TEX9: variants seen among roughly 807,000 people sequenced by gnomAD.
TEX9 encodes testis-expressed protein 9.
In TEX9, 74 loss-of-function variants were observed where a neutral mutation model predicts 59.6. That is an observed-to-expected ratio of 1.24 (90% confidence interval 1.03 to 1.51). The LOEUF is 1.51. Ranked by LOEUF, TEX9 falls within the 40% of genes most tolerant of loss-of-function variation. The probability of loss-of-function intolerance (pLI) is 0.00; values close to 1 mark genes in which losing one functional copy is unlikely to be tolerated. For missense variants in TEX9, 522 were observed against 447.8 expected (o/e 1.17, Z -1.49); for synonymous variants, 186 against 152.2 (o/e 1.22, Z -1.64).
intron 1 of TEX9, among the ~76,000 whole-genome samples, chr15:56,308,665 T>C (rs2045536860): frequency 6.6e-6 from 1 of 152,180 alleles, no homozygotes; most frequent in Non-Finnish European, 1.5e-5. Flanking sequence ...TGTTTTCTTC[T>C]AACAGTTTTA....
At chr15:56,424,175 A>G (rs2050132023) in intron 10 of TEX9, among the ~76,000 whole-genome samples, 1 of 152,084 alleles carries the variant, frequency 6.6e-6, no homozygotes, top group Non-Finnish European at 1.5e-5. Flanking sequence ...TTTGGTACAT[A>G]TATAATTGTA....
intron 1 of TEX9, among the ~76,000 whole-genome samples, chr15:56,277,231 G>C (rs2044692360): frequency 6.6e-6 from 1 of 152,094 alleles, no homozygotes; most frequent in Non-Finnish European, 1.5e-5. Flanking sequence ...TGGTATTTTA[G>C]TCATGAAGTC....
chr15:56,327,506 A>G (rs1037217391), intron 1 of TEX9, among the ~76,000 whole-genome samples: 2 of 152,208 alleles, frequency 1.3e-5, no homozygotes, highest in Non-Finnish European at 2.9e-5. Flanking sequence ...TGTAACAAGT[A>G]TCTACACACA....
chr15:56,424,124 A>C (rs1180231685), intron 10 of TEX9, among the ~76,000 whole-genome samples: 1 of 152,114 alleles, frequency 6.6e-6, no homozygotes, highest in Non-Finnish European at 1.5e-5. Context: ...CTTTTCTCCA[A>C]GTCTGTCAAT....
rs569138308 is a variant in TEX9 at position 56,282,150 on chromosome 15, G to T, written c.-107+37872G>T. 2.0e-5 allele frequency among the ~76,000 whole-genome samples: 3 copies of T among 152,154 alleles called. No homozygotes were observed. The East Asian group carries it at 5.8e-4, about 29-fold the overall frequency. On this transcript the variant is annotated intron_variant, in intron 1 of 5. Coordinates refer to the TEX9 transcript ENST00000560827. The stretch of plus-strand genomic sequence containing the variant: ...ATTTTTAATCCACCAGAACAGAAGG[G>T]ATTTTATTCTAGGAATGTAATCAAG...
intron 9 of TEX9, among the ~76,000 whole-genome samples, chr15:56,399,173 G>A (rs1036039377): frequency 6.6e-6 from 1 of 152,210 alleles, no homozygotes; most frequent in African/African-American, 2.4e-5. Flanking sequence ...TACCCGGGAA[G>A]TGCAAGGGGT....
chr15:56,328,598 ACCAAAGAG>A (rs2046076282), intron 1 of TEX9, among the ~76,000 whole-genome samples: 1 of 152,150 alleles, frequency 6.6e-6, no homozygotes. Context: ...TCACAAGCTG[ACCAAAGAG>A]CCCTTGGACT....
chr15:56,366,552 A>G (rs956889499), intron 2 of TEX9, among the ~76,000 whole-genome samples: 9 of 152,124 alleles, frequency 5.9e-5, no homozygotes, highest in African/African-American at 2.2e-4. Flanking sequence ...TAATTAGCAT[A>G]ATTTGTTACA....
intron 1 of TEX9, among the ~76,000 whole-genome samples, chr15:56,301,503 C>T (rs1596074358): frequency 6.6e-6 from 1 of 151,414 alleles, no homozygotes; most frequent in Admixed American, 6.6e-5. Context: ...TAATCAAACT[C>T]GCAATGGTCA....
At chr15:56,244,452 C>T (rs1453645865) in intron 1 of TEX9, among the ~76,000 whole-genome samples, 1 of 152,140 alleles carries the variant, frequency 6.6e-6, no homozygotes, top group Non-Finnish European at 1.5e-5. Context: ...ACTATCCAAT[C>T]ATAGCGGCCT....
the TEX9 span, among the ~76,000 whole-genome samples, chr15:56,453,574 T>A: frequency 6.6e-6 from 1 of 152,096 alleles, no homozygotes; most frequent in Middle Eastern, 3.4e-3. Context: ...AAATGAGATA[T>A]GAGGTACTTG....
chr15:56,434,172 A>G lies in TEX9; in HGVS notation c.*29+5699A>G, dbSNP rs141471701. On this transcript the variant is annotated intron_variant, in intron 12 of 12. Transcript: ENST00000352903. Reference sequence around the variant, plus strand: ...AAGGAATTGTTGGCGACGCTCTTCAATAAGTTTTTCCACAGCCCTCCTGTG... The same window carrying G: ...AAGGAATTGTTGGCGACGCTCTTCAGTAAGTTTTTCCACAGCCCTCCTGTG... 45 of 1,613,492 alleles carry G rather than the reference A, an allele frequency of 2.8e-5. No individual in the cohort carries two copies. The highest frequency in any genetic ancestry group is 1.0e-4 in the Admixed American group (6 of 59,946).
At chr15:56,396,789 TGTC>T (rs1383365287) in intron 9 of TEX9, 1 of 152,206 alleles carries the variant, frequency 6.6e-6, no homozygotes, top group Non-Finnish European at 1.5e-5. Flanking sequence ...CAAACTTTCT[TGTC>T]TGCTGCTATG....
chr15:56,394,911 C>G, intron 9 of TEX9, 77 bp downstream of exon 9: 5 of 1,347,446 alleles, frequency 3.7e-6, no homozygotes, highest in African/African-American at 1.5e-5. Flanking sequence ...TGTATAGATG[C>G]CATTTTGACA....
intron 1 of TEX9, among the ~76,000 whole-genome samples, chr15:56,348,988 C>T (rs2046525386): frequency 1.3e-5 from 2 of 151,886 alleles, no homozygotes; most frequent in Admixed American, 6.6e-5. Flanking sequence ...GGTTCACTAA[C>T]CATTTCCTTG....
chr15:56,320,033 C>T (rs548341798), intron 1 of TEX9, among the ~76,000 whole-genome samples: 1 of 152,284 alleles, frequency 6.6e-6, no homozygotes, highest in East Asian at 1.9e-4. Flanking sequence ...GTGTCATATT[C>T]TTGTAATTAA....
intron 9 of TEX9, chr15:56,395,249 A>C (rs2048412292): frequency 5.8e-6 from 1 of 173,556 alleles, no homozygotes; most frequent in Non-Finnish European, 1.2e-5. Context: ...TTTGTGACTG[A>C]CTTTTACTTA....
At chr15:56,331,057 A>T (rs1445885673) in intron 1 of TEX9, among the ~76,000 whole-genome samples, 1 of 152,192 alleles carries the variant, frequency 6.6e-6, no homozygotes, top group Non-Finnish European at 1.5e-5. Context: ...AGAGACAAAG[A>T]AGGTCATTAT....
Position 56,444,638 on chromosome 15 carries a change from T to C in TEX9, c.*30-1033T>C, listed in dbSNP as rs1216262438. 13 of 1,612,104 alleles carry C rather than the reference T, an allele frequency of 8.1e-6. 1 individual carries two copies. The South Asian group carries it at 1.4e-4, about 18-fold the overall frequency. ...CTTCCTTTATTATTCTCTTGTGTTCTTCCATCATGGTTTTGGCTATTTCAG... is the reference window on the plus strand; with the variant it reads ...CTTCCTTTATTATTCTCTTGTGTTCCTCCATCATGGTTTTGGCTATTTCAG... On this transcript the variant is annotated intron_variant, in intron 12 of 12. Coordinates refer to ENST00000352903, the Ensembl canonical transcript of TEX9.
Sources: gnomAD v4.1 joint callset for allele counts (sites outside exome capture counted in the v4.1 genomes callset) on GRCh38, gnomAD v4.1.1 for gene constraint, MANE v1.5 for transcripts, NCBI Gene and HGNC (gene_info 2026-07-23, HGNC 2026-07-21) for gene names.